The following IGF2BP3 variants were observed in gnomAD, a reference collection of about 807,000 sequenced individuals.
The protein encoded by IGF2BP3 is insulin like growth factor 2 mRNA binding protein 3.
A neutral mutation model predicts 73.8 loss-of-function variants in IGF2BP3; 9 were observed. The observed-to-expected ratio is 0.12, with a 90% CI of 0.07 to 0.21. The LOEUF is 0.21. IGF2BP3 is among the 10% of genes least tolerant of loss of function. The pLI, the probability that IGF2BP3 is intolerant of heterozygous loss-of-function variation, is 1.00. For missense variants in IGF2BP3, 542 were observed against 714.0 expected (o/e 0.76, Z 2.75); for synonymous variants, 258 against 256.7 (o/e 1.01, Z -0.05).
chr7:23,342,118 T>C lies in IGF2BP3; in HGVS notation c.1149A>G (p.Pro383=), dbSNP rs1263967570. Residue 383 remains proline (P), a synonymous_variant, in exon 10 of 15, where the codon CCA becomes CCG. Coordinates refer to ENST00000258729, the MANE Select transcript of IGF2BP3 (RefSeq NM_006547.3). Reference sequence around the variant, plus strand: ...CTGAAGGGGGCCCTGAGGTGGGAGGTGGCATCCCTGAAGTGGGTGGGAACA... The same window carrying C: ...CTGAAGGGGGCCCTGAGGTGGGAGGCGGCATCCCTGAAGTGGGTGGGAACA... ...LGLFPPTSGM[P]PPTSGPPSAM... 4.4e-6 allele frequency: 7 copies of C among 1,608,518 alleles called. No individual in the cohort carries two copies. The Admixed American group carries it at 1.0e-4, about 23-fold the overall frequency.
intron 2 of IGF2BP3, among the ~76,000 whole-genome samples, chr7:23,467,601 A>G (rs1311575817): frequency 3.9e-5 from 6 of 152,218 alleles, no homozygotes; most frequent in Non-Finnish European, 8.8e-5. Flanking sequence ...AAAAAACAAA[A>G]CAAAACAAAA....
chr7:23,355,373 C>T (rs142655389), intron 5 of IGF2BP3, among the ~76,000 whole-genome samples: 10,071 of 151,986 alleles, frequency 0.066, 438 homozygotes, highest in Middle Eastern at 0.096. Flanking sequence ...AGGCGTGTAC[C>T]ACCACACCCA....
intron 3 of IGF2BP3, among the ~76,000 whole-genome samples, chr7:23,403,672 G>T (rs1386555463): frequency 6.6e-6 from 1 of 152,184 alleles, no homozygotes; most frequent in Non-Finnish European, 1.5e-5. Context: ...AGGAGGTTCT[G>T]CCTAGTTTAA....
At chr7:23,451,461 G>A (rs1238973746) in intron 2 of IGF2BP3, among the ~76,000 whole-genome samples, 1 of 152,056 alleles carries the variant, frequency 6.6e-6, no homozygotes, top group Non-Finnish European at 1.5e-5. Context: ...CATGTAATGG[G>A]TTTTTTATAA....
At chr7:23,315,848 CATAA>C (rs1783975270) in intron 12 of IGF2BP3, among the ~76,000 whole-genome samples, 1 of 152,154 alleles carries the variant, frequency 6.6e-6, no homozygotes, top group South Asian at 2.1e-4. Context: ...TCACCAATCA[CATAA>C]ATAAAATTTA....
intron 6 of IGF2BP3, among the ~76,000 whole-genome samples, chr7:23,349,825 C>T (rs116069640): frequency 1.9e-3 from 286 of 152,010 alleles, no homozygotes; most frequent in East Asian, 4.1e-3. Context: ...ATGAGTAGCT[C>T]GAAAAGGAAC....
intron 2 of IGF2BP3, among the ~76,000 whole-genome samples, chr7:23,427,152 A>G (rs894206663): frequency 2.0e-5 from 3 of 152,184 alleles, no homozygotes; most frequent in African/African-American, 7.2e-5. Flanking sequence ...GCTTTCTCCA[A>G]AGTCTCTAGA....
chr7:23,341,149 C>G (rs1784702796), intron 10 of IGF2BP3, among the ~76,000 whole-genome samples: 1 of 152,104 alleles, frequency 6.6e-6, no homozygotes, highest in Non-Finnish European at 1.5e-5. Flanking sequence ...GGCACTTGGC[C>G]TAAGATTTAT....
At chr7:23,395,697 A>G (rs543317265) in intron 3 of IGF2BP3, among the ~76,000 whole-genome samples, 1 of 152,192 alleles carries the variant, frequency 6.6e-6, no homozygotes. Flanking sequence ...AGGCTGAGGC[A>G]GGTGAATCAC....
chr7:23,459,854 T>G (rs552097395), intron 2 of IGF2BP3, among the ~76,000 whole-genome samples: 120 of 151,176 alleles, frequency 7.9e-4, no homozygotes, highest in Middle Eastern at 3.6e-3. Context: ...GAACTGGACT[T>G]GGTCTACACT....
chr7:23,463,431 G>GA (rs1216774987), intron 2 of IGF2BP3, among the ~76,000 whole-genome samples: 3 of 152,030 alleles, frequency 2.0e-5, no homozygotes, highest in Non-Finnish European at 4.4e-5. Context: ...CAGAGCTACA[G>GA]AAAAAAAATT....
At chr7:23,318,462 C>G (rs1180722226) in intron 11 of IGF2BP3, among the ~76,000 whole-genome samples, 2 of 152,062 alleles carry the variant, frequency 1.3e-5, no homozygotes, top group Admixed American at 1.3e-4. Flanking sequence ...TGGGGTCAAG[C>G]AATTTGCCTG....
intron 12 of IGF2BP3, among the ~76,000 whole-genome samples, chr7:23,316,509 T>A (rs948216463): frequency 1.3e-5 from 2 of 151,848 alleles, no homozygotes; most frequent in Non-Finnish European, 2.9e-5. Context: ...TGAAACCCCA[T>A]CTCTACTAAA....
intron 3 of IGF2BP3, chr7:23,402,423 T>G (rs1786697396): frequency 6.6e-6 from 1 of 152,236 alleles, no homozygotes; most frequent in Non-Finnish European, 1.5e-5. Flanking sequence ...GTAAAGGCAG[T>G]TAAGTTCATT....
At chr7:23,466,244 A>T (rs2128552739) in intron 2 of IGF2BP3, among the ~76,000 whole-genome samples, 1 of 152,228 alleles carries the variant, frequency 6.6e-6, no homozygotes, top group Non-Finnish European at 1.5e-5. Context: ...GCTGGTCTCG[A>T]ACTCCTGACC....
chr7:23,347,895 C>T (rs1264467207), intron 6 of IGF2BP3, 161 bp from the exon 7 acceptor site: 8 of 666,546 alleles, frequency 1.2e-5, no homozygotes, highest in Non-Finnish European at 1.9e-5. Context: ...ACATTAATGC[C>T]TTAAGAGGCA....
chr7:23,343,753 T>C lies in IGF2BP3; in HGVS notation c.1042A>G (p.Arg348Gly), dbSNP rs1300248519. 6.2e-7 allele frequency: 1 copy of C among 1,612,582 alleles called. No individual in the cohort carries two copies. Among genetic ancestry groups the C allele is most frequent in the Non-Finnish European group, 8.5e-7 (1 of 1,179,594 alleles). ...GCAATATCATTTTCATAAGACTCCC[T>C]GATTTTCTTCATGATCTCCTCCTCA... ...KAEEEIMKKI[R>G]ESYENDIASM... Residue 348 changes from arginine to glycine, a missense_variant, in exon 9 of 15, where the codon AGG becomes GGG. Arg to Gly is a moderately radical substitution (Grantham distance 125). Coordinates refer to ENST00000258729, the MANE Select transcript of IGF2BP3 (RefSeq NM_006547.3).
chr7:23,452,246 C>A (rs55857686), intron 2 of IGF2BP3, among the ~76,000 whole-genome samples: 1 of 151,986 alleles, frequency 6.6e-6, no homozygotes, highest in Admixed American at 6.6e-5. Context: ...CCTCGTGATC[C>A]GCCTGCCTCA....
chr7:23,388,736 C>G (rs1786171482), intron 3 of IGF2BP3, among the ~76,000 whole-genome samples: 1 of 150,690 alleles, frequency 6.6e-6, no homozygotes, highest in Non-Finnish European at 1.5e-5. Context: ...CTTTCTGCAT[C>G]TGTTGAATCT....
Sources: gnomAD v4.1 joint callset for allele counts (sites outside exome capture counted in the v4.1 genomes callset) on GRCh38, gnomAD v4.1.1 for gene constraint, MANE v1.5 for transcripts, NCBI Gene and HGNC (gene_info 2026-07-23, HGNC 2026-07-21) for gene names.